The following PLBD2 variants were observed in gnomAD, a reference collection of about 807,000 sequenced individuals.
The protein encoded by PLBD2 is phospholipase B domain containing 2.
A neutral mutation model predicts 68.3 loss-of-function variants in PLBD2; 51 were observed. The observed-to-expected ratio is 0.75, with a 90% CI of 0.60 to 0.94. The LOEUF (loss-of-function observed/expected upper bound fraction) is 0.94, where lower values mean the gene tolerates loss of function less well. PLBD2 is among the 40% of genes least tolerant of loss of function. The pLI, the probability that PLBD2 is intolerant of heterozygous loss-of-function variation, is 0.00. For missense variants in PLBD2, 729 were observed against 792.2 expected (o/e 0.92, Z 0.96); for synonymous variants, 314 against 339.3 (o/e 0.93, Z 0.82).
intron 5 of PLBD2, among the ~76,000 whole-genome samples, chr12:113,378,827 G>A (rs1008749114): frequency 2.6e-5 from 4 of 151,972 alleles, no homozygotes; most frequent in African/African-American, 4.8e-5. Context: ...CTGGGACTAC[G>A]GGCATGCACC....
chr12:113,377,504 C>T (rs917837522), intron 5 of PLBD2, among the ~76,000 whole-genome samples: 2 of 152,202 alleles, frequency 1.3e-5, no homozygotes, highest in Non-Finnish European at 2.9e-5. Context: ...CGGCTCACTG[C>T]AACCTCTGCT....
intron 2 of PLBD2, among the ~76,000 whole-genome samples, chr12:113,370,193 C>T (rs746716167): frequency 5.3e-5 from 8 of 151,974 alleles, no homozygotes; most frequent in African/African-American, 1.9e-4. Flanking sequence ...AGCCACTGTG[C>T]CTGGCCAAAT....
At position 113,358,788 on chromosome 12, in the gene PLBD2, C is replaced by T; in HGVS notation, c.188C>T (p.Ser63Leu). The T allele has an allele frequency of 6.8e-7, 1 of 1,461,274 alleles. No homozygotes were observed. Among genetic ancestry groups the T allele is most frequent in the Non-Finnish European group, 9.0e-7 (1 of 1,111,750 alleles). 90.5% of individuals were successfully genotyped at this position (1,461,274 alleles called of 1,614,324 possible). A position where few individuals can be genotyped will look rare whatever the true frequency, so the allele number is the denominator to read the frequency against. ...GQVPPASRSR[S>L]VLLDVSAGQL... ...GTCCCTCCAGCCTCCCGCAGCCGCT[C>T]GGTGCTCCTGGACGTCTCGGCGGGC... The change falls in exon 1 of 12, where the codon TCG (serine) becomes TTG (leucine). Residue 63 changes from serine to leucine, a missense_variant. Physicochemically the swap from Ser to Leu is moderately radical, Grantham distance 145. Transcript: ENST00000280800.
At chr12:113,376,188 G>A (rs1382693929) in intron 5 of PLBD2, among the ~76,000 whole-genome samples, 3 of 139,788 alleles carry the variant, frequency 2.1e-5, no homozygotes, top group Non-Finnish European at 4.6e-5. Context: ...TTTTGAGACA[G>A]AGTCTTGTTC....
chr12:113,379,068 G>A (rs899727609), intron 5 of PLBD2, among the ~76,000 whole-genome samples: 1 of 152,116 alleles, frequency 6.6e-6, no homozygotes, highest in African/African-American at 2.4e-5. Flanking sequence ...TAGCACTTTG[G>A]GAGGCCGAGG....
At chr12:113,373,567 CCCATCCATCCAT>C (rs1054135761) in intron 3 of PLBD2, among the ~76,000 whole-genome samples, 14 of 152,010 alleles carry the variant, frequency 9.2e-5, no homozygotes, top group Non-Finnish European at 1.8e-4. Flanking sequence ...CATCCATCCA[CCCATCCATCCAT>C]CCATGCATCC....
intron 2 of PLBD2, among the ~76,000 whole-genome samples, chr12:113,369,788 G>C (rs985711963): frequency 5.3e-5 from 8 of 152,122 alleles, no homozygotes; most frequent in African/African-American, 1.7e-4. Flanking sequence ...AGTGGGGAGT[G>C]GGGAGTGACT....
In PLBD2 at chr12:113,372,735, C is replaced by T; in HGVS notation, c.471C>T (p.Ser157=). 1 of 1,614,104 alleles carries T rather than the reference C, an allele frequency of 6.2e-7. No homozygotes were observed. The highest frequency in any genetic ancestry group is 8.5e-7 in the Non-Finnish European group (1 of 1,180,026). ...TCGGCTACTGCGAGAGGCTGAAGAG[C>T]TTCCTGGAGGCCAACCTAGAGTGGA... ...YEVGYCERLK[S]FLEANLEWMQ... Residue 157 remains serine, a synonymous_variant, in exon 3 of 12, where the codon AGC becomes AGT. Coordinates refer to ENST00000280800, the MANE Select transcript of PLBD2 (RefSeq NM_173542.4). This position sits in a 1 kb window ranked among gnomAD's most constrained non-coding sequence, Gnocchi z 4.2.
intron 6 of PLBD2, among the ~76,000 whole-genome samples, chr12:113,381,152 T>A (rs1365307311): frequency 1.3e-5 from 2 of 152,114 alleles, no homozygotes; most frequent in Non-Finnish European, 2.9e-5. Flanking sequence ...GTAACCCTGG[T>A]TGTCAGGAAA....
chr12:113,381,524 G>A (rs900975369), intron 6 of PLBD2, among the ~76,000 whole-genome samples: 2 of 152,154 alleles, frequency 1.3e-5, no homozygotes, highest in African/African-American at 2.4e-5. Context: ...CTGCGGGGAC[G>A]GGAGGGGTGG....
At position 113,389,043 on chromosome 12, in the gene PLBD2, G is replaced by C. The variant is rs1161472994; in HGVS notation, c.*417G>C. 1 of 156,664 alleles carries C rather than the reference G, an allele frequency of 6.4e-6. No individual in the cohort carries two copies. Among genetic ancestry groups the C allele is most frequent in the African/African-American group, 2.4e-5 (1 of 41,638 alleles). 9.7% of individuals were successfully genotyped at this position (156,664 alleles called of 1,614,324 possible). A position where few individuals can be genotyped will look rare whatever the true frequency, so the allele number is the denominator to read the frequency against. On this transcript the variant is annotated 3_prime_UTR_variant, in exon 12 of 12. Transcript: ENST00000280800. ...CCTTCTCCCAGCTGCATTCCCACGG[G>C]TGGCCCTGGAGCTGGTGAGCTTTGT...
chr12:113,365,117 A>G (rs1356163658), intron 1 of PLBD2, among the ~76,000 whole-genome samples: 7 of 151,984 alleles, frequency 4.6e-5, no homozygotes. Context: ...TAAGAACTAT[A>G]CCTCCTTGCC....
In PLBD2 at chr12:113,372,691, G is replaced by A. The variant is rs139558954; in HGVS notation, c.427G>A (p.Gly143Ser). 2.8e-5 allele frequency: 45 copies of A among 1,613,880 alleles called. No homozygotes were observed. The highest frequency in any genetic ancestry group is 4.0e-5 in the African/African-American group (3 of 74,892). The change falls in exon 3 of 12, where the codon GGC (glycine) becomes AGC (serine). Residue 143 changes from glycine to serine, a missense_variant. Physicochemically the swap from Gly to Ser is moderately conservative, Grantham distance 56. Transcript: ENST00000280800. The surrounding 1 kb of genome is among the most constrained non-coding windows in gnomAD (Gnocchi z 4.2). Reference protein sequence around the residue: ...HWMNTVVNYCGPFEYEVGYCE... With the variant: ...HWMNTVVNYCSPFEYEVGYCE... Reference sequence around the variant, plus strand: ...GATGAACACGGTGGTGAATTACTGCGGCCCCTTCGAGTATGAAGTCGGCTA... The same window carrying A: ...GATGAACACGGTGGTGAATTACTGCAGCCCCTTCGAGTATGAAGTCGGCTA...
chr12:113,386,365 T>C (rs1593292396), intron 9 of PLBD2, among the ~76,000 whole-genome samples: 1 of 124,520 alleles, frequency 8.0e-6, no homozygotes. Context: ...TTTTTTTTTT[T>C]TTTTTTGAGA....
chr12:113,367,665 G>A lies in PLBD2; in HGVS notation c.291-1451G>A, dbSNP rs1445607436. On this transcript the variant is annotated intron_variant, in intron 1 of 11. Coordinates refer to ENST00000280800, the MANE Select transcript of PLBD2 (RefSeq NM_173542.4). Reference sequence around the variant, plus strand: ...CTCAGGAGGCGTAGGTGGAAGGATAGTTTGAGCCTGGGAGGCCGGAGGCTG... The same window carrying A: ...CTCAGGAGGCGTAGGTGGAAGGATAATTTGAGCCTGGGAGGCCGGAGGCTG... Among the ~76,000 whole-genome samples, 10 of 150,426 alleles carry A rather than the reference G, an allele frequency of 6.6e-5. No individual in the cohort carries two copies. In the Admixed American group the frequency reaches 6.6e-4, roughly 10 times the overall value.
In PLBD2 at chr12:113,358,665, C is replaced by CGCTGGCCCTGGT. The variant is rs1226944020; in HGVS notation, c.76_87dup (p.Val26_Leu29dup). On this transcript the variant is annotated inframe_insertion, in exon 1 of 12. Transcript: ENST00000280800. ...GCCCGGGCGCTGACGCGGGCGCTGGCGCTGGCCCTGGTGCTGGCCCTGCTG... is the reference window on the plus strand; with the variant it reads ...GCCCGGGCGCTGACGCGGGCGCTGGCGCTGGCCCTGGTGCTGGCCCTGGTGCTGGCCCTGCTG... 1.3e-5 allele frequency: 19 copies of CGCTGGCCCTGGT among 1,460,032 alleles called. No individual in the cohort carries two copies. The highest frequency in any genetic ancestry group is 6.1e-5 in the East Asian group (2 of 33,008). The allele number at this position is 1,460,032 out of a possible 1,614,324, so 90.4% of individuals were successfully genotyped here. A position where few individuals can be genotyped will look rare whatever the true frequency, so the allele number is the denominator to read the frequency against.
In PLBD2 at chr12:113,372,953, G is replaced by C. The variant is rs986313431; in HGVS notation, c.543+146G>C. The C allele has an allele frequency of 2.8e-5, 25 of 890,186 alleles. No homozygotes were observed. The highest frequency in any genetic ancestry group is 3.8e-5 in the Non-Finnish European group (23 of 598,180). 55.1% of individuals were successfully genotyped at this position (890,186 alleles called of 1,614,324 possible). A position where few individuals can be genotyped will look rare whatever the true frequency, so the allele number is the denominator to read the frequency against. On this transcript the variant is annotated intron_variant, in intron 3 of 11. Coordinates refer to ENST00000280800, the MANE Select transcript of PLBD2 (RefSeq NM_173542.4). The surrounding 1 kb of genome is among the most constrained non-coding windows in gnomAD (Gnocchi z 4.2). ...CATCTCCATCCCTCCTAGCCGACCT[G>C]CCACTCATCCATCTGCCCAGTCTCC...
At position 113,386,812 on chromosome 12, in the gene PLBD2, C is replaced by T. The variant is rs955814131; in HGVS notation, c.1287-125C>T. On this transcript the variant is annotated intron_variant, in intron 9 of 11. Coordinates refer to ENST00000280800, the MANE Select transcript of PLBD2 (RefSeq NM_173542.4). ...GGGATTACAGGTGTGAGCCACTGCA[C>T]CCAGCCTGAATGTCGTAGTTGTAAG... 3.9e-5 allele frequency: 46 copies of T among 1,175,088 alleles called. No homozygotes were observed. The African/African-American group carries it at 5.7e-4, about 15-fold the overall frequency. 72.8% of individuals were successfully genotyped at this position (1,175,088 alleles called of 1,614,324 possible). A position where few individuals can be genotyped will look rare whatever the true frequency, so the allele number is the denominator to read the frequency against.
chr12:113,369,205 A>G lies in PLBD2; in HGVS notation c.380A>G (p.Glu127Gly). ...GGTGTGGTGGAGGCTGCTGTGTCGG[A>G]GGAGGTAAGGGCCAAGGTGGGGACA... ...AAGVVEAAVS[E>G]ELIYMHWMNT... is the part of the protein sequence containing the mutation. The change falls in exon 2 of 12, where the codon GAG becomes GGG. Residue 127 changes from glutamate (E) to glycine (G), a missense_variant. By Grantham distance (98) the Glu-to-Gly change is moderately conservative. Transcript: ENST00000280800. 1.3e-6 allele frequency: 2 copies of G among 1,598,778 alleles called. No individual in the cohort carries two copies. The highest frequency in any genetic ancestry group is 1.7e-6 in the Non-Finnish European group (2 of 1,172,788).
Sources: allele counts gnomAD v4.1 joint callset (sites outside exome capture counted in the v4.1 genomes callset), GRCh38; gene constraint gnomAD v4.1.1; non-coding constraint Gnocchi (gnomAD v3.1); transcripts MANE v1.5; gene names NCBI Gene and HGNC (gene_info 2026-07-23, HGNC 2026-07-21).